ATP10B: variants seen among roughly 807,000 people sequenced by gnomAD.
ATP10B encodes the protein phospholipid-transporting ATPase VB.
In ATP10B, 122 loss-of-function variants were observed where a neutral mutation model predicts 141.2. The ratio of observed to expected loss-of-function variants is 0.86; its 90% CI spans 0.75 to 1.00. The LOEUF is 1.00. Among genes scored for constraint, ATP10B ranks in the 50% least tolerant of loss-of-function variants. The probability of loss-of-function intolerance (pLI) is 0.00; values close to 1 mark genes in which losing one functional copy is unlikely to be tolerated. For missense variants in ATP10B, 1,876 were observed against 1,825.3 expected (o/e 1.03, Z -0.51); for synonymous variants, 685 against 692.0 (o/e 0.99, Z 0.16).
chr5:160,813,952 G>GA (rs1162464406), intron 1 of ATP10B, among the ~76,000 whole-genome samples: 2 of 152,110 alleles, frequency 1.3e-5, no homozygotes, highest in Non-Finnish European at 2.9e-5. Flanking sequence ...CTAACAAACA[G>GA]AAAGGACACC....
chr5:160,638,636 C>T (rs1182507533), intron 10 of ATP10B, among the ~76,000 whole-genome samples: 2 of 152,210 alleles, frequency 1.3e-5, no homozygotes, highest in African/African-American at 4.8e-5. Context: ...ACTGTAGTGG[C>T]ACACAAAGTC....
intron 1 of ATP10B, among the ~76,000 whole-genome samples, chr5:160,794,681 A>G (rs1295457423): frequency 6.6e-6 from 1 of 152,210 alleles, no homozygotes; most frequent in East Asian, 1.9e-4. Flanking sequence ...TTCTAAAAAC[A>G]TCAAACTCCT....
Position 160,807,323 on chromosome 5 carries a change from T to C in ATP10B, c.-575-21520A>G, listed in dbSNP as rs531639607. Among the ~76,000 whole-genome samples the C allele has an allele frequency of 3.3e-5, 5 of 152,298 alleles. No individual in the cohort carries two copies. The East Asian group carries it at 7.7e-4, about 23-fold the overall frequency. On this transcript the variant is annotated intron_variant, in intron 1 of 25. Transcript: ENST00000327245. ...TAATTTTCACTGTAAACCATTTTTT[T>C]TGGCTTTTAAGTATTGTGCCATATG...
chr5:160,700,886 C>T (rs1353832842), intron 3 of ATP10B, among the ~76,000 whole-genome samples: 3 of 152,108 alleles, frequency 2.0e-5, no homozygotes, highest in African/African-American at 7.2e-5. Flanking sequence ...CTGCACTTGC[C>T]CCCTATTACC....
chr5:160,859,272 T>C, the ATP10B span, among the ~76,000 whole-genome samples: 1 of 151,932 alleles, frequency 6.6e-6, no homozygotes, highest in Admixed American at 6.6e-5. Context: ...TTAAAAAATA[T>C]TTTTGTACTT....
the ATP10B span, among the ~76,000 whole-genome samples, chr5:160,876,929 G>T: frequency 1.9e-3 from 276 of 141,586 alleles, 2 homozygotes; most frequent in African/African-American, 6.8e-3. Flanking sequence ...GGACCAGATG[G>T]ATTCACAGCC....
At chr5:160,651,425 G>A (rs1337251672) in intron 7 of ATP10B, among the ~76,000 whole-genome samples, 4 of 151,980 alleles carry the variant, frequency 2.6e-5, no homozygotes, top group South Asian at 2.1e-4. Flanking sequence ...CTAATCCTAC[G>A]TTCAACTCAT....
At chr5:160,889,698 G>A in the ATP10B span, among the ~76,000 whole-genome samples, 5 of 152,258 alleles carry the variant, frequency 3.3e-5, no homozygotes, top group East Asian at 5.8e-4. Context: ...TGCAGGGCAG[G>A]GAATGGAGAG....
chr5:160,672,870 G>A (rs541914010), intron 6 of ATP10B, among the ~76,000 whole-genome samples: 34 of 152,324 alleles, frequency 2.2e-4, no homozygotes, highest in African/African-American at 7.2e-4. Context: ...CCCTCCTGGA[G>A]GCCCTCTGGA....
intron 24 of ATP10B, among the ~76,000 whole-genome samples, chr5:160,587,095 A>C (rs1755957169): frequency 6.6e-6 from 1 of 152,118 alleles, no homozygotes; most frequent in South Asian, 2.1e-4. Flanking sequence ...TCTTATGTTT[A>C]AGTCTTTAAT....
chr5:160,601,978 G>GTA (rs1393305151), intron 21 of ATP10B, among the ~76,000 whole-genome samples: 5 of 152,158 alleles, frequency 3.3e-5, no homozygotes, highest in Non-Finnish European at 5.9e-5. Flanking sequence ...AAGGCATGGG[G>GTA]TATAGCTCTT....
At chr5:160,626,992 C>G (rs992038581) in intron 13 of ATP10B, among the ~76,000 whole-genome samples, 1 of 152,264 alleles carries the variant, frequency 6.6e-6, no homozygotes, top group South Asian at 2.1e-4. Context: ...CATAGTTCCT[C>G]TTATGTCTCT....
the ATP10B span, among the ~76,000 whole-genome samples, chr5:160,888,990 A>G: frequency 6.6e-6 from 1 of 152,318 alleles, no homozygotes; most frequent in South Asian, 2.1e-4. Flanking sequence ...TTAATGTCAC[A>G]ATATTAGACA....
intron 5 of ATP10B, chr5:160,686,839 G>A (rs1202878749): frequency 2.2e-5 from 12 of 555,572 alleles, no homozygotes; most frequent in Non-Finnish European, 2.7e-5. Flanking sequence ...GAGCATAGCA[G>A]TTGCTCAGTA....
chr5:160,657,531 A>G (rs913208513), intron 7 of ATP10B, among the ~76,000 whole-genome samples: 2 of 152,140 alleles, frequency 1.3e-5, no homozygotes, highest in Admixed American at 1.3e-4. Flanking sequence ...GAGGGAGACT[A>G]TCTTAAGGAT....
intron 9 of ATP10B, 37 bp downstream of exon 9, chr5:160,644,101 G>C: frequency 1.9e-6 from 3 of 1,567,752 alleles, no homozygotes; most frequent in South Asian, 2.2e-5. Context: ...GAAGGATAAA[G>C]GAAAATTCAG....
chr5:160,882,411 G>A, the ATP10B span, among the ~76,000 whole-genome samples: 6 of 152,038 alleles, frequency 3.9e-5, no homozygotes, highest in African/African-American at 1.4e-4. Flanking sequence ...GTGAACTTAA[G>A]ATTGTTCTAA....
chr5:160,823,002 A>ATATATG (rs1491241787), intron 1 of ATP10B, among the ~76,000 whole-genome samples: 1 of 27,458 alleles, frequency 3.6e-5, no homozygotes, highest in Non-Finnish European at 7.2e-5. Context: ...ATATATATAC[A>ATATATG]TATATATATA....
chr5:160,615,837 C>T lies in ATP10B; in HGVS notation c.2653+1G>A. 1 of 1,609,294 alleles carries T rather than the reference C, an allele frequency of 6.2e-7. No homozygotes were observed. Among genetic ancestry groups the T allele is most frequent in the Non-Finnish European group, 8.5e-7 (1 of 1,176,276 alleles). On this transcript the variant is annotated splice_donor_variant, in intron 17 of 25. Coordinates refer to ENST00000327245, the MANE Select transcript of ATP10B (RefSeq NM_025153.3). LOFTEE classifies it high-confidence loss of function. ...TATAATAATGACTTATTTTTAGCTA[C>T]CAAGTAAGGTGAGTTGATTCTCCAG... is the stretch of plus-strand genomic sequence containing the variant.
Sources: gnomAD v4.1 joint callset for allele counts (sites outside exome capture counted in the v4.1 genomes callset) on GRCh38, gnomAD v4.1.1 for gene constraint, MANE v1.5 for transcripts, NCBI Gene and HGNC (gene_info 2026-07-23, HGNC 2026-07-21) for gene names.